Variants in ATXN2 observed in about 807,000 individuals in gnomAD.
ATXN2 encodes the protein ataxin-2.
A neutral mutation model predicts 138.6 loss-of-function variants in ATXN2; 37 were observed. The observed-to-expected ratio is 0.27, with a 90% CI of 0.21 to 0.35. The LOEUF is 0.35. ATXN2 is among the 10% of genes least tolerant of loss of function. The pLI is 1.00. For synonymous variants in ATXN2, 549 were observed against 543.7 expected, an observed-to-expected ratio of 1.01 and a Z score of -0.13; for missense variants, 1,216 against 1,480.3, an observed-to-expected ratio of 0.82 and a Z score of 2.93.
At position 111,550,062 on chromosome 12, in the gene ATXN2, C is replaced by CAA. The variant is rs11360314; in HGVS notation, c.571+2216_571+2217dup. ...GGGCAACAGAGCGAAACTCCGTCTC[C>CAA]AAAAAAAAAAAAAAAAAGAGAGAGA... On this transcript the variant is annotated intron_variant, in intron 5 of 24. Transcript: ENST00000673436. 2.0e-3 allele frequency among the ~76,000 whole-genome samples: 159 copies of CAA among 78,896 alleles called. 2 individuals carry two copies. The South Asian group carries it at 0.032, about 16-fold the overall frequency. 51.8% of individuals were successfully genotyped at this position (78,896 alleles called of 152,430 possible).
chr12:111,591,624 A>C (rs1389295089), intron 1 of ATXN2, among the ~76,000 whole-genome samples: 1 of 151,276 alleles, frequency 6.6e-6, no homozygotes, highest in African/African-American at 2.4e-5. Context: ...TGGGTGACAG[A>C]GGGAGACCTT....
At chr12:111,532,209 G>C (rs936828449) in intron 5 of ATXN2, among the ~76,000 whole-genome samples, 4 of 152,052 alleles carry the variant, frequency 2.6e-5, no homozygotes, top group Non-Finnish European at 4.4e-5. Flanking sequence ...GGCCGGGTGC[G>C]GTGGCTCACA....
chr12:111,555,223 G>A (rs761247187), intron 2 of ATXN2, among the ~76,000 whole-genome samples: 5 of 151,866 alleles, frequency 3.3e-5, no homozygotes, highest in Admixed American at 2.0e-4. Context: ...GGTGTTCTAC[G>A]TATCTTTTGG....
intron 20 of ATXN2, chr12:111,469,833 A>T: frequency 2.4e-6 from 1 of 420,900 alleles, no homozygotes; most frequent in Non-Finnish European, 4.2e-6. Context: ...GAAGAGGAGA[A>T]AGGTACCTTT....
At chr12:111,557,198 C>A (rs1882440750) in intron 1 of ATXN2, among the ~76,000 whole-genome samples, 2 of 152,182 alleles carry the variant, frequency 1.3e-5, no homozygotes, top group African/African-American at 4.8e-5. Flanking sequence ...AATCACAACA[C>A]TCAAGCCAAA....
At chr12:111,542,755 C>T (rs1881589207) in intron 5 of ATXN2, among the ~76,000 whole-genome samples, 1 of 152,186 alleles carries the variant, frequency 6.6e-6, no homozygotes, top group Non-Finnish European at 1.5e-5. Context: ...AGCCACTGCA[C>T]CTGGCCTATT....
In ATXN2 at chr12:111,509,872, T is replaced by C. The variant is rs778919087; in HGVS notation, c.1864+19A>G. 2.1e-5 allele frequency: 33 copies of C among 1,544,588 alleles called. No homozygotes were observed. The highest frequency in any genetic ancestry group is 2.7e-5 in the Non-Finnish European group (30 of 1,119,324). On this transcript the variant is annotated intron_variant, in intron 13 of 24. Coordinates refer to ENST00000673436, the MANE Select transcript of ATXN2 (RefSeq NM_001372574.1). Reference sequence around the variant, plus strand: ...TTCCTATTCCTACAGTTAAGCTTAATGACTCTTTAAACTCTAACCTTTGTT... The same window carrying C: ...TTCCTATTCCTACAGTTAAGCTTAACGACTCTTTAAACTCTAACCTTTGTT...
In ATXN2 at chr12:111,516,325, G is replaced by C. The variant is rs760237321; in HGVS notation, c.1204C>G (p.Arg402Gly). 5 of 1,583,440 alleles carry C rather than the reference G, an allele frequency of 3.2e-6. No individual in the cohort carries two copies. The Admixed American group carries it at 9.6e-5, about 30-fold the overall frequency. ...WPSPCPSPSS[R>G]PPSRYQSGPN... is the part of the protein sequence containing the mutation. ...CCTGACTGGTAGCGAGAAGGTGGGC[G>C]AGAGGAAGGAGATGGGCAAGGCGAT... Residue 402 changes from arginine to glycine, a missense_variant, in exon 10 of 25, where the codon CGC becomes GGC. Transcript: ENST00000673436. The surrounding 1 kb of genome is among the most constrained non-coding windows in gnomAD (Gnocchi z 5.0).
At chr12:111,555,263 A>G (rs1382388338) in intron 2 of ATXN2, among the ~76,000 whole-genome samples, 1 of 152,206 alleles carries the variant, frequency 6.6e-6, no homozygotes, top group African/African-American at 2.4e-5. Context: ...GCACTTAGTC[A>G]TTTAGAAAAG....
intron 10 of ATXN2, among the ~76,000 whole-genome samples, chr12:111,514,854 A>T (rs1056988902): frequency 6.6e-6 from 1 of 152,208 alleles, no homozygotes; most frequent in African/African-American, 2.4e-5. Context: ...TATAATTTTC[A>T]AATGGAAATA....
At chr12:111,566,119 T>C (rs763372607) in intron 1 of ATXN2, among the ~76,000 whole-genome samples, 11 of 152,154 alleles carry the variant, frequency 7.2e-5, no homozygotes, top group African/African-American at 1.2e-4. Context: ...AGGGATAATT[T>C]TGACGTTTAA....
chr12:111,563,542 CAT>C (rs754837758), intron 1 of ATXN2, among the ~76,000 whole-genome samples: 15 of 152,146 alleles, frequency 9.9e-5, no homozygotes, highest in Non-Finnish European at 1.6e-4. Flanking sequence ...TCATGTCTCT[CAT>C]ATGTTTAATA....
chr12:111,570,367 G>A (rs370932700), intron 1 of ATXN2, among the ~76,000 whole-genome samples: 3 of 152,286 alleles, frequency 2.0e-5, no homozygotes, highest in East Asian at 3.9e-4. Flanking sequence ...CTGAGTGACA[G>A]GTACATAAGA....
chr12:111,561,410 G>C (rs1355876994), intron 1 of ATXN2, among the ~76,000 whole-genome samples: 1 of 151,662 alleles, frequency 6.6e-6, no homozygotes, highest in Non-Finnish European at 1.5e-5. Flanking sequence ...TGAGGGAGGA[G>C]AACGGCTTGA....
rs1037663208 is a variant in ATXN2, at chr12:111,598,080, G to A, written c.251+704C>T. 1.5e-5 allele frequency: 17 copies of A among 1,140,000 alleles called. 1 individual carries two copies. In the East Asian group the frequency reaches 9.0e-4, roughly 61 times the overall value. The allele number at this position is 1,140,000 out of a possible 1,614,324, so 70.6% of individuals were successfully genotyped here. A position where few individuals can be genotyped will look rare whatever the true frequency, so the allele number is the denominator to read the frequency against. ...AGGTGGGGGAGGGTGGAACGCTGCC[G>A]GAGGCCACATGGAGCCCCACGATTT... On this transcript the variant is annotated intron_variant, in intron 1 of 24. Transcript: ENST00000673436. The surrounding 1 kb of genome is among the most constrained non-coding windows in gnomAD (Gnocchi z 4.5).
chr12:111,523,880 T>C (rs1013908757), intron 6 of ATXN2, among the ~76,000 whole-genome samples: 3 of 151,384 alleles, frequency 2.0e-5, no homozygotes, highest in Non-Finnish European at 4.4e-5. Context: ...CTGGGCAACA[T>C]GGTAAAACCC....
intron 1 of ATXN2, among the ~76,000 whole-genome samples, chr12:111,586,067 T>C (rs1312061587): frequency 1.3e-5 from 2 of 151,484 alleles, no homozygotes; most frequent in African/African-American, 4.9e-5. Context: ...TGGCTAAATT[T>C]TTTGTATTAA....
intron 1 of ATXN2, among the ~76,000 whole-genome samples, chr12:111,582,430 A>C (rs1884057441): frequency 6.8e-6 from 1 of 147,736 alleles, no homozygotes; most frequent in Non-Finnish European, 1.5e-5. Flanking sequence ...TGACAAAGCG[A>C]GACGGTGTCT....
At chr12:111,454,685 G>C (rs1173494262) in intron 23 of ATXN2, 1 of 272,786 alleles carries the variant, frequency 3.7e-6, no homozygotes, top group Non-Finnish European at 7.4e-6. Context: ...TCTAGACTAC[G>C]ATAAGCCTTG....
Sources: gnomAD v4.1 joint callset for allele counts (sites outside exome capture counted in the v4.1 genomes callset) on GRCh38, gnomAD v4.1.1 for gene constraint, Gnocchi (gnomAD v3.1) non-coding constraint, MANE v1.5 for transcripts, NCBI Gene and HGNC (gene_info 2026-07-23, HGNC 2026-07-21) for gene names.